Variants in CACNA1A observed in about 807,000 individuals in gnomAD.
CACNA1A encodes voltage-dependent P/Q-type calcium channel subunit alpha-1A.
Under a neutral mutation model 262.4 loss-of-function variants are expected in CACNA1A, and 57 were observed. The observed-to-expected ratio is 0.22, with a 90% CI of 0.18 to 0.27. CACNA1A has a LOEUF of 0.27. Among genes scored for constraint, CACNA1A ranks in the 10% least tolerant of loss-of-function variants. CACNA1A has a pLI of 1.00. For synonymous variants in CACNA1A, 1,431 were observed against 1,419.3 expected, an observed-to-expected ratio of 1.01 and a Z score of -0.18; for missense variants, 2,526 against 3,562.8, an observed-to-expected ratio of 0.71 and a Z score of 7.41.
At chr19:13,433,175 C>T (rs1370959493) in intron 3 of CACNA1A, among the ~76,000 whole-genome samples, 1 of 151,560 alleles carries the variant, frequency 6.6e-6, no homozygotes, top group Non-Finnish European at 1.5e-5. Flanking sequence ...CACCTGTAAT[C>T]CCAGCTACTC....
intron 10 of CACNA1A, among the ~76,000 whole-genome samples, chr19:13,328,614 G>A (rs890543126): frequency 1.3e-5 from 2 of 152,032 alleles, no homozygotes; most frequent in African/African-American, 2.4e-5. Context: ...TTATCCCCAA[G>A]GAAATACGCC....
intron 3 of CACNA1A, among the ~76,000 whole-genome samples, chr19:13,433,595 G>A (rs1448335359): frequency 6.6e-6 from 1 of 151,984 alleles, no homozygotes; most frequent in Non-Finnish European, 1.5e-5. Flanking sequence ...GTAGGCGGGG[G>A]ATGCAGGTCA....
chr19:13,253,958 C>G (rs532358681), intron 29 of CACNA1A, among the ~76,000 whole-genome samples: 13 of 150,458 alleles, frequency 8.6e-5, no homozygotes, highest in Admixed American at 8.6e-4. Context: ...CAGTTGGTCC[C>G]GAACACCTGG....
Position 13,298,730 on chromosome 19 carries a change from C to G in CACNA1A, c.2903G>C (p.Gly968Ala). 3 of 1,499,148 alleles carry G rather than the reference C, an allele frequency of 2.0e-6. No individual in the cohort carries two copies. Among genetic ancestry groups the G allele is most frequent in the Non-Finnish European group, 2.7e-6 (3 of 1,129,502 alleles). The allele number at this position is 1,499,148 out of a possible 1,614,324, so 92.9% of individuals were successfully genotyped here. A position where few individuals can be genotyped will look rare whatever the true frequency, so the allele number is the denominator to read the frequency against. ...HRAHRRPGEEGPEDKAERRAR... is the reference protein window; with the variant it reads ...HRAHRRPGEEAPEDKAERRAR... Reference sequence around the variant, plus strand: ...CCTCCGCTCCGCCTTGTCCTCCGGACCCTCCTCCCCGGGCCTGCGGTGCGC... The same window carrying G: ...CCTCCGCTCCGCCTTGTCCTCCGGAGCCTCCTCCCCGGGCCTGCGGTGCGC... The change falls in exon 19 of 47, where the codon GGT (glycine) becomes GCT (alanine). Residue 968 changes from glycine (G) to alanine (A), a missense_variant. Gly to Ala is a moderately conservative substitution (Grantham distance 60). Transcript: ENST00000360228.
At chr19:13,219,669 C>T (rs535601387) in intron 38 of CACNA1A, among the ~76,000 whole-genome samples, 6 of 152,062 alleles carry the variant, frequency 3.9e-5, no homozygotes, top group African/African-American at 9.6e-5. Context: ...ATTAAAATAC[C>T]GGAGGCCCGG....
chr19:13,422,017 G>A (rs1394098129), intron 3 of CACNA1A, among the ~76,000 whole-genome samples: 5 of 152,122 alleles, frequency 3.3e-5, no homozygotes, highest in Non-Finnish European at 4.4e-5. Flanking sequence ...AGGATGCTAG[G>A]GGATCCTTAA....
At chr19:13,457,638 G>A (rs2061038152) in intron 1 of CACNA1A, among the ~76,000 whole-genome samples, 1 of 152,104 alleles carries the variant, frequency 6.6e-6, no homozygotes, top group Non-Finnish European at 1.5e-5. Flanking sequence ...ATCACCTGAG[G>A]TTGGGAGTTC....
chr19:13,420,906 C>T (rs2060306317), intron 3 of CACNA1A, among the ~76,000 whole-genome samples: 1 of 152,170 alleles, frequency 6.6e-6, no homozygotes, highest in African/African-American at 2.4e-5. Flanking sequence ...CCATCCCCCA[C>T]CATCTTCTAC....
At chr19:13,221,104 C>T (rs572285874) in intron 38 of CACNA1A, among the ~76,000 whole-genome samples, 1 of 150,572 alleles carries the variant, frequency 6.6e-6, no homozygotes, top group South Asian at 2.1e-4. Flanking sequence ...GCTCAGTCTT[C>T]CCTCCTCCTG....
In CACNA1A at chr19:13,314,031, T is replaced by C. The variant is rs553770626; in HGVS notation, c.1556-1250A>G. On this transcript the variant is annotated intron_variant, in intron 11 of 46. Transcript: ENST00000360228. Reference sequence around the variant, plus strand: ...TAAGACAAAGCCTTTTGTTCTTTGATGAGCAAGCATAAAATTGCAAATGCC... The same window carrying C: ...TAAGACAAAGCCTTTTGTTCTTTGACGAGCAAGCATAAAATTGCAAATGCC... Among the ~76,000 whole-genome samples, 8 of 152,302 alleles carry C rather than the reference T, an allele frequency of 5.3e-5. No individual in the cohort carries two copies. The South Asian group carries it at 1.7e-3, about 32-fold the overall frequency.
intron 1 of CACNA1A, among the ~76,000 whole-genome samples, chr19:13,458,577 T>C (rs1307943552): frequency 2.0e-5 from 3 of 152,136 alleles, no homozygotes; most frequent in Admixed American, 1.3e-4. Context: ...GGAGGGGTCG[T>C]CCAGTAAGTA....
At chr19:13,281,019 G>A (rs996737096) in intron 22 of CACNA1A, among the ~76,000 whole-genome samples, 20 of 151,606 alleles carry the variant, frequency 1.3e-4, no homozygotes, top group African/African-American at 4.6e-4. Context: ...GCATAGAAGT[G>A]TCTCATTTAT....
chr19:13,411,169 C>T (rs1334147285), intron 3 of CACNA1A, among the ~76,000 whole-genome samples: 1 of 152,188 alleles, frequency 6.6e-6, no homozygotes, highest in Non-Finnish European at 1.5e-5. Context: ...AGATGGCCAA[C>T]ACAATATCTC....
chr19:13,464,994 T>A (rs574382904), intron 1 of CACNA1A, among the ~76,000 whole-genome samples: 40 of 152,136 alleles, frequency 2.6e-4, no homozygotes, highest in Non-Finnish European at 4.7e-4. Context: ...AATGGTGCAA[T>A]CTCGGTTGAC....
chr19:13,375,537 G>A (rs1006184896), intron 3 of CACNA1A, among the ~76,000 whole-genome samples: 2 of 152,194 alleles, frequency 1.3e-5, no homozygotes, highest in South Asian at 2.1e-4. Context: ...CCTGTAATCC[G>A]AGCATTTTGG....
intron 3 of CACNA1A, among the ~76,000 whole-genome samples, chr19:13,436,554 T>TCCACTCAC (rs1369572136): frequency 1.6e-4 from 24 of 147,358 alleles, no homozygotes; most frequent in South Asian, 8.6e-4. Context: ...CACTCATTCA[T>TCCACTCAC]TCATCCACTC....
intron 37 of CACNA1A, chr19:13,226,232 G>A (rs1351860037): frequency 7.5e-6 from 1 of 132,918 alleles, no homozygotes; most frequent in Non-Finnish European, 1.6e-5. Context: ...CAGAGACTGA[G>A]AGAAGCGACT....
At chr19:13,209,218 C>T in intron 45 of CACNA1A, 94 bp downstream of exon 45, 1 of 1,392,548 alleles carries the variant, frequency 7.2e-7, no homozygotes. Flanking sequence ...AGGCCTCTCC[C>T]TTTCTTCTTC....
At chr19:13,389,716 G>A (rs575229474) in intron 3 of CACNA1A, among the ~76,000 whole-genome samples, 41 of 152,068 alleles carry the variant, frequency 2.7e-4, no homozygotes, top group African/African-American at 8.7e-4. Context: ...TCACATTTTC[G>A]GCCTGTTTTC....
Sources: gnomAD v4.1 joint callset for allele counts (sites outside exome capture counted in the v4.1 genomes callset) on GRCh38, gnomAD v4.1.1 for gene constraint, MANE v1.5 for transcripts, NCBI Gene and HGNC (gene_info 2026-07-23, HGNC 2026-07-21) for gene names.